SPATA6: variants seen among roughly 807,000 people sequenced by gnomAD.
SPATA6 encodes spermatogenesis-associated protein 6.
A neutral mutation model predicts 65.3 loss-of-function variants in SPATA6; 56 were observed. The observed-to-expected ratio is 0.86, with a 90% CI of 0.69 to 1.07. The LOEUF (loss-of-function observed/expected upper bound fraction) is 1.07, where lower values mean the gene tolerates loss of function less well. SPATA6 is among the 50% of genes least tolerant of loss of function. The probability of loss-of-function intolerance (pLI) is 0.00; values close to 1 mark genes in which losing one functional copy is unlikely to be tolerated. For synonymous variants in SPATA6, 199 were observed against 213.2 expected (o/e 0.93, Z 0.58); for missense variants, 590 against 594.8 (o/e 0.99, Z 0.08).
intron 9 of SPATA6, among the ~76,000 whole-genome samples, chr1:48,381,687 CTT>C (rs34196190): frequency 0.024 from 2,905 of 121,730 alleles, 135 homozygotes; most frequent in African/African-American, 0.09. Context: ...AATTTTTTTT[CTT>C]TTTTTTTTTA....
At chr1:48,278,706 T>C in the SPATA6 span, among the ~76,000 whole-genome samples, 3 of 152,184 alleles carry the variant, frequency 2.0e-5, no homozygotes, top group Non-Finnish European at 4.4e-5. Context: ...CTACATCTGA[T>C]TGGCGTACCT....
chr1:48,378,603 G>C (rs190344519), intron 9 of SPATA6, among the ~76,000 whole-genome samples: 2 of 152,298 alleles, frequency 1.3e-5, no homozygotes, highest in East Asian at 3.9e-4. Context: ...AAATGAGGAA[G>C]AAGCAAAAGC....
At chr1:48,412,008 A>C (rs894697177) in intron 4 of SPATA6, among the ~76,000 whole-genome samples, 4 of 152,072 alleles carry the variant, frequency 2.6e-5, no homozygotes, top group African/African-American at 9.7e-5. Context: ...CTGGGACTAC[A>C]GGCATGCGCC....
intron 9 of SPATA6, among the ~76,000 whole-genome samples, chr1:48,377,856 C>T (rs72893282): frequency 0.026 from 3,916 of 152,156 alleles, 110 homozygotes; most frequent in African/African-American, 0.071. Flanking sequence ...TAAGAAGCAA[C>T]CTTTACATCT....
At chr1:48,279,361 G>A in the SPATA6 span, among the ~76,000 whole-genome samples, 6 of 152,146 alleles carry the variant, frequency 3.9e-5, no homozygotes, top group African/African-American at 9.7e-5. Context: ...TGGGCTAAAT[G>A]CTCCAATTAA....
chr1:48,445,932 C>T (rs1349821875), intron 3 of SPATA6, among the ~76,000 whole-genome samples: 1 of 151,828 alleles, frequency 6.6e-6, no homozygotes, highest in African/African-American at 2.4e-5. Context: ...GAAAATATAA[C>T]AATTATAAAT....
chr1:48,378,901 T>A (rs1362688847), intron 9 of SPATA6, among the ~76,000 whole-genome samples: 1 of 152,208 alleles, frequency 6.6e-6, no homozygotes, highest in Non-Finnish European at 1.5e-5. Flanking sequence ...TACAATGGTA[T>A]ACTATTCAGC....
At chr1:48,413,041 T>C in intron 4 of SPATA6, 69 bp downstream of exon 4, 1 of 443,594 alleles carries the variant, frequency 2.3e-6, no homozygotes, top group Non-Finnish European at 3.5e-6. Flanking sequence ...ATAATCAATA[T>C]ATAATATATT....
intron 9 of SPATA6, among the ~76,000 whole-genome samples, chr1:48,366,142 G>A (rs893538314): frequency 2.0e-4 from 31 of 152,184 alleles, no homozygotes; most frequent in African/African-American, 7.5e-4. Flanking sequence ...CAGGGATGAA[G>A]CCCACTTGAT....
intron 11 of SPATA6, among the ~76,000 whole-genome samples, chr1:48,332,730 T>C (rs1394538916): frequency 6.6e-6 from 1 of 152,162 alleles, no homozygotes; most frequent in East Asian, 1.9e-4. Context: ...ATGGAGCTAG[T>C]AGACAGCTAC....
At chr1:48,309,544 CTTTA>C (rs1332110113) in intron 11 of SPATA6, among the ~76,000 whole-genome samples, 3 of 152,084 alleles carry the variant, frequency 2.0e-5, no homozygotes, top group Admixed American at 2.0e-4. Context: ...AATTCTAACA[CTTTA>C]TTTCTTTATA....
chr1:48,290,214 A>T, the SPATA6 span, among the ~76,000 whole-genome samples: 4 of 152,224 alleles, frequency 2.6e-5, no homozygotes, highest in Non-Finnish European at 4.4e-5. Flanking sequence ...TAAAGAAAAG[A>T]ATTTTCAACC....
chr1:48,267,348 T>G, the SPATA6 span, among the ~76,000 whole-genome samples: 1 of 152,230 alleles, frequency 6.6e-6, no homozygotes, highest in Non-Finnish European at 1.5e-5. Context: ...ATTAATCAGC[T>G]CGATTAGACT....
chr1:48,342,472 C>T (rs761389358), intron 11 of SPATA6, among the ~76,000 whole-genome samples: 3 of 151,704 alleles, frequency 2.0e-5, no homozygotes, highest in African/African-American at 4.8e-5. Flanking sequence ...AATAATTAGT[C>T]GGACGTGGTG....
chr1:48,299,382 C>A (rs1385497444), intron 12 of SPATA6, among the ~76,000 whole-genome samples: 2 of 151,610 alleles, frequency 1.3e-5, no homozygotes, highest in African/African-American at 4.8e-5. Context: ...AGGATGGTGG[C>A]GCTTGCCTAT....
intron 9 of SPATA6, among the ~76,000 whole-genome samples, chr1:48,371,657 A>G (rs1647297995): frequency 6.6e-6 from 1 of 152,224 alleles, no homozygotes; most frequent in Non-Finnish European, 1.5e-5. Context: ...TTATAACTGT[A>G]CTATCTAGAA....
rs185784640 is a variant in SPATA6 at position 48,439,255 on chromosome 1, C to T, written c.238+12297G>A. Reference sequence around the variant, plus strand: ...GCAAGGGTGCAGGTTTTCAAGAATGCGTCGGTAAGGGCCACTAAATCTGAC... The same window carrying T: ...GCAAGGGTGCAGGTTTTCAAGAATGTGTCGGTAAGGGCCACTAAATCTGAC... On this transcript the variant is annotated intron_variant, in intron 3 of 12. Coordinates refer to ENST00000371847, the MANE Select transcript of SPATA6 (RefSeq NM_019073.4). Among the ~76,000 whole-genome samples the T allele has an allele frequency of 1.7e-4, 26 of 152,282 alleles. 1 individual carries two copies. Among genetic ancestry groups the T allele is most frequent in the African/African-American group, 1.7e-4 (7 of 41,562 alleles).
At chr1:48,389,322 G>C (rs1009732435) in intron 8 of SPATA6, among the ~76,000 whole-genome samples, 3 of 152,106 alleles carry the variant, frequency 2.0e-5, no homozygotes, top group Non-Finnish European at 4.4e-5. Context: ...CAAATCATCT[G>C]TATCCCCAAA....
intron 3 of SPATA6, among the ~76,000 whole-genome samples, chr1:48,430,508 C>T (rs72895173): frequency 1.1e-4 from 16 of 151,740 alleles, no homozygotes; most frequent in Non-Finnish European, 1.8e-4. Flanking sequence ...ATGAAAGGAC[C>T]CTAGACAGTA....
Sources: allele counts gnomAD v4.1 joint callset (sites outside exome capture counted in the v4.1 genomes callset), GRCh38; gene constraint gnomAD v4.1.1; transcripts MANE v1.5; gene names NCBI Gene and HGNC (gene_info 2026-07-23, HGNC 2026-07-21).